Variants in KIRREL3 observed in about 807,000 individuals in gnomAD.
KIRREL3 encodes the protein kin of IRRE-like protein 3.
KIRREL3 carries 36 observed loss-of-function variants against 89.7 expected under a neutral mutation model. The ratio of observed to expected loss-of-function variants is 0.40; its 90% confidence interval spans 0.31 to 0.53. The LOEUF is 0.53. Ranked by LOEUF, KIRREL3 falls within the 20% of genes least tolerant of loss-of-function variation. The pLI is 0.49. For missense variants in KIRREL3, 864 were observed against 1,056.6 expected (o/e 0.82, Z 2.53); for synonymous variants, 445 against 441.4 (o/e 1.01, Z -0.10).
intron 1 of KIRREL3, among the ~76,000 whole-genome samples, chr11:126,962,203 C>T (rs1315523404): frequency 6.6e-6 from 1 of 152,138 alleles, no homozygotes; most frequent in Non-Finnish European, 1.5e-5. Flanking sequence ...CTCTAGCTGC[C>T]TCAGATGGTG....
chr11:126,698,104 A>G (rs1283599181), intron 1 of KIRREL3, among the ~76,000 whole-genome samples: 1 of 152,174 alleles, frequency 6.6e-6, no homozygotes, highest in Non-Finnish European at 1.5e-5. Flanking sequence ...GATGGGAGGG[A>G]AAAGTGTAAT....
In KIRREL3 at chr11:126,836,144, C is replaced by T. The variant is rs137913763; in HGVS notation, c.55+164311G>A. Among the ~76,000 whole-genome samples, 209 of 152,314 alleles carry T rather than the reference C, an allele frequency of 1.4e-3. 2 individuals are homozygous for T. The South Asian group carries it at 0.028, about 21-fold the overall frequency. On this transcript the variant is annotated intron_variant, in intron 1 of 16. Coordinates refer to ENST00000525144, the MANE Select transcript of KIRREL3 (RefSeq NM_032531.4). ...ATCATTTCCCCACAATAAACCTTAA[C>T]GGTGCAAACAATAGTTTTCAGTCAG...
intron 1 of KIRREL3, among the ~76,000 whole-genome samples, chr11:126,826,677 T>C (rs10736560): frequency 0.86 from 131,141 of 151,936 alleles, 56,944 homozygotes; most frequent in East Asian, 1. Context: ...TGGCTCTCCT[T>C]CAAAGTTCTG....
Position 126,734,625 on chromosome 11 carries a change from A to G in KIRREL3, c.56-171713T>C, listed in dbSNP as rs184327215. 9.9e-5 allele frequency among the ~76,000 whole-genome samples: 15 copies of G among 152,036 alleles called. No individual in the cohort carries two copies. The highest frequency in any genetic ancestry group is 7.7e-4 in the East Asian group (4 of 5,174). ...TTGCAGTGAGCCGAGATGTCATTGC[A>G]CTCCAGCCTGGGCAACAAGAGTGAA... On this transcript the variant is annotated intron_variant, in intron 1 of 16. Coordinates refer to ENST00000525144, the MANE Select transcript of KIRREL3 (RefSeq NM_032531.4). This position sits in a 1 kb window ranked among gnomAD's most constrained non-coding sequence, Gnocchi z 5.9.
rs1317864821 is a variant in KIRREL3, at chr11:126,844,276, G to A, written c.55+156179C>T. Among the ~76,000 whole-genome samples the A allele has an allele frequency of 6.6e-6, 1 of 152,124 alleles. No individual in the cohort carries two copies. Among genetic ancestry groups the A allele is most frequent in the African/African-American group, 2.4e-5 (1 of 41,416 alleles). Reference sequence around the variant, plus strand: ...AACCCCGACCCAAATGCTAACTTTGGGTAAGTGGTGGGGTCCGGTGACATC... The same window carrying A: ...AACCCCGACCCAAATGCTAACTTTGAGTAAGTGGTGGGGTCCGGTGACATC... On this transcript the variant is annotated intron_variant, in intron 1 of 16. Transcript: ENST00000525144. The surrounding 1 kb of genome is among the most constrained non-coding windows in gnomAD (Gnocchi z 4.8).
chr11:126,807,493 T>C lies in KIRREL3; in HGVS notation c.55+192962A>G, dbSNP rs1951240078. ...ATTCAAATTTAAAAATCTGTTTCAA[T>C]ATAAAAATATAAAAAGTCACCCCAA... On this transcript the variant is annotated intron_variant, in intron 1 of 16. Transcript: ENST00000525144. This position sits in a 1 kb window ranked among gnomAD's most constrained non-coding sequence, Gnocchi z 4.3. 6.6e-6 allele frequency among the ~76,000 whole-genome samples: 1 copy of C among 152,216 alleles called. No individual in the cohort carries two copies. Among genetic ancestry groups the C allele is most frequent in the African/African-American group, 2.4e-5 (1 of 41,452 alleles).
Position 126,923,208 on chromosome 11 carries a change from T to C in KIRREL3, c.55+77247A>G, listed in dbSNP as rs1211270922. 1.1e-3 allele frequency among the ~76,000 whole-genome samples: 14 copies of C among 12,726 alleles called. 5 individuals carry two copies. The highest frequency in any genetic ancestry group is 2.0e-3 in the Non-Finnish European group (14 of 7,006). The allele number at this position is 12,726 out of a possible 152,430, so 8.3% of individuals were successfully genotyped here. ...TCTTCTCTTCTTCTTCTTCTTCTTC[T>C]TCTTCTTCTTCTTCTTCTTCTTCTT... is the stretch of plus-strand genomic sequence containing the variant. On this transcript the variant is annotated intron_variant, in intron 1 of 16. Coordinates refer to ENST00000525144, the MANE Select transcript of KIRREL3 (RefSeq NM_032531.4).
chr11:126,898,854 A>T lies in KIRREL3; in HGVS notation c.55+101601T>A, dbSNP rs1432134016. On this transcript the variant is annotated intron_variant, in intron 1 of 16. Transcript: ENST00000525144. The surrounding 1 kb of genome is among the most constrained non-coding windows in gnomAD (Gnocchi z 4.9). ...TTATATTCAATTTAAAAAATAGCACATAACTTAGAACATGGAATAAATGCC... is the reference window on the plus strand; with the variant it reads ...TTATATTCAATTTAAAAAATAGCACTTAACTTAGAACATGGAATAAATGCC... Among the ~76,000 whole-genome samples the T allele has an allele frequency of 6.6e-6, 1 of 152,146 alleles. No homozygotes were observed. The highest frequency in any genetic ancestry group is 2.4e-5 in the African/African-American group (1 of 41,422).
At position 126,525,468 on chromosome 11, in the gene KIRREL3, G is replaced by A. The variant is rs547102211; in HGVS notation, c.283+1070C>T. 4.3e-4 allele frequency among the ~76,000 whole-genome samples: 66 copies of A among 152,264 alleles called. No individual in the cohort carries two copies. Among genetic ancestry groups the A allele is most frequent in the African/African-American group, 1.5e-3 (61 of 41,552 alleles). On this transcript the variant is annotated intron_variant, in intron 3 of 16. Coordinates refer to ENST00000525144, the MANE Select transcript of KIRREL3 (RefSeq NM_032531.4). The surrounding 1 kb of genome is among the most constrained non-coding windows in gnomAD (Gnocchi z 5.4). ...AGCTGGGCTGCAGCGTTCAAACCTC[G>A]TGCCTGCTATTGACCATTGCTATAA...
At chr11:126,937,652 G>A (rs1179065321) in intron 1 of KIRREL3, among the ~76,000 whole-genome samples, 1 of 152,176 alleles carries the variant, frequency 6.6e-6, no homozygotes, top group Non-Finnish European at 1.5e-5. Flanking sequence ...TGTAATCCCA[G>A]CACTTTGGAG....
intron 1 of KIRREL3, among the ~76,000 whole-genome samples, chr11:126,799,028 G>A (rs910891395): frequency 9.9e-5 from 15 of 151,848 alleles, no homozygotes; most frequent in Admixed American, 3.3e-4. Flanking sequence ...GTATCTGTGC[G>A]TGTGCATGTG....
At chr11:126,534,569 C>T (rs1464379015) in intron 2 of KIRREL3, among the ~76,000 whole-genome samples, 1 of 152,186 alleles carries the variant, frequency 6.6e-6, no homozygotes, top group Non-Finnish European at 1.5e-5. Flanking sequence ...GAGTCCCTGT[C>T]TGGGATGCTT....
chr11:126,548,067 A>C (rs1311551399), intron 2 of KIRREL3, among the ~76,000 whole-genome samples: 3 of 152,112 alleles, frequency 2.0e-5, no homozygotes, highest in Non-Finnish European at 4.4e-5. Context: ...TTTGTGTGTC[A>C]GCTCCATCTC....
rs368525135 is a variant in KIRREL3, at chr11:126,424,650, T to C, written c.2267A>G (p.His756Arg). 41 of 1,612,518 alleles carry C rather than the reference T, an allele frequency of 2.5e-5. No homozygotes were observed. The highest frequency in any genetic ancestry group is 4.0e-5 in the African/African-American group (3 of 74,392). Residue 756 changes from histidine to arginine, a missense_variant, in exon 17 of 17, where the codon CAC becomes CGC. Transcript: ENST00000525144. Reference sequence around the variant, plus strand: ...AGAGTTCTGGGACGAGGACTGGGAGTGGTGGGAGGAGGAAGCAGAAGCCTT... The same window carrying C: ...AGAGTTCTGGGACGAGGACTGGGAGCGGTGGGAGGAGGAAGCAGAAGCCTT... ...ASKASASSSH[H>R]SQSSSQNSDP...
chr11:126,951,528 T>C (rs1450892418), intron 1 of KIRREL3, among the ~76,000 whole-genome samples: 1 of 152,176 alleles, frequency 6.6e-6, no homozygotes, highest in Non-Finnish European at 1.5e-5. Context: ...GAGATGGTTG[T>C]ATTCTGCTTA....
rs545722007 is a variant in KIRREL3, at chr11:126,886,370, T to A, written c.55+114085A>T. On this transcript the variant is annotated intron_variant, in intron 1 of 16. Coordinates refer to ENST00000525144, the MANE Select transcript of KIRREL3 (RefSeq NM_032531.4). ...ATATTTCATTGACTGGCTTCATTTG[T>A]ACTGCCTCAGCCCCACTGTATCTCC... 6.6e-5 allele frequency among the ~76,000 whole-genome samples: 10 copies of A among 152,342 alleles called. No individual in the cohort carries two copies. In the South Asian group the frequency reaches 2.1e-3, roughly 32 times the overall value.
In KIRREL3 at chr11:126,609,523, C is replaced by T. The variant is rs149178301; in HGVS notation, c.56-46611G>A. Among the ~76,000 whole-genome samples, 49 of 152,198 alleles carry T rather than the reference C, an allele frequency of 3.2e-4. No homozygotes were observed. Among genetic ancestry groups the T allele is most frequent in the African/African-American group, 1.2e-3 (49 of 41,522 alleles). On this transcript the variant is annotated intron_variant, in intron 1 of 16. Coordinates refer to ENST00000525144, the MANE Select transcript of KIRREL3 (RefSeq NM_032531.4). This position sits in a 1 kb window ranked among gnomAD's most constrained non-coding sequence, Gnocchi z 5.0. ...GTGAAAGGTTAAGTGGGTGGGGGAC[C>T]TGCTGGGAGAGAGGGGCAGGGGAAT...
intron 1 of KIRREL3, chr11:126,920,234 A>G (rs1947215669): frequency 6.6e-6 from 1 of 152,488 alleles, no homozygotes; most frequent in Admixed American, 6.6e-5. Context: ...GCACAATCTG[A>G]TATGCTCTCC....
intron 1 of KIRREL3, among the ~76,000 whole-genome samples, chr11:126,951,415 C>T (rs78639571): frequency 0.013 from 2,027 of 152,248 alleles, 55 homozygotes; most frequent in East Asian, 0.12. Flanking sequence ...TTGCCTGCAG[C>T]ATCTGGCTCA....
Sources: gnomAD v4.1 joint callset for allele counts (sites outside exome capture counted in the v4.1 genomes callset) on GRCh38, gnomAD v4.1.1 for gene constraint, Gnocchi (gnomAD v3.1) non-coding constraint, MANE v1.5 for transcripts, NCBI Gene and HGNC (gene_info 2026-07-23, HGNC 2026-07-21) for gene names.